SORCS2: variants seen among roughly 807,000 people sequenced by gnomAD.
SORCS2 encodes the protein VPS10 domain-containing receptor SorCS2.
SORCS2 carries 100 observed loss-of-function variants against 141.6 expected under a neutral mutation model. The observed-to-expected ratio is 0.71, with a 90% CI of 0.60 to 0.83. The LOEUF (loss-of-function observed/expected upper bound fraction) is 0.83, where lower values mean the gene tolerates loss of function less well. Among genes scored for constraint, SORCS2 ranks in the 40% least tolerant of loss-of-function variants. SORCS2 has a pLI of 0.00. For synonymous variants in SORCS2, 789 were observed against 676.9 expected (o/e 1.17, Z -2.57); for missense variants, 1,646 against 1,560.2 (o/e 1.05, Z -0.93).
chr4:7,714,108 T>A (rs1428030765), intron 15 of SORCS2, 132 bp from the exon 16 acceptor site: 1 of 1,322,100 alleles, frequency 7.6e-7, no homozygotes, highest in African/African-American at 1.5e-5. Context: ...CGCCCCATTA[T>A]GGGCCTCAGT....
intron 1 of SORCS2, among the ~76,000 whole-genome samples, chr4:7,301,601 G>T (rs1717435253): frequency 6.6e-6 from 1 of 152,242 alleles, no homozygotes; most frequent in Non-Finnish European, 1.5e-5. Flanking sequence ...CAGAGGCCTA[G>T]GTTGGCGCCT....
chr4:7,690,096 A>G (rs1490998488), intron 11 of SORCS2, among the ~76,000 whole-genome samples: 1 of 137,668 alleles, frequency 7.3e-6, no homozygotes, highest in Non-Finnish European at 1.6e-5. Context: ...AGATGAATGG[A>G]TGGATGATAC....
intron 11 of SORCS2, among the ~76,000 whole-genome samples, chr4:7,695,586 T>G (rs56399942): frequency 0.1 from 212 of 2,082 alleles, 38 homozygotes; most frequent in African/African-American, 0.24. Context: ...ATGGATGGAT[T>G]GGTGGGTGGG....
intron 2 of SORCS2, among the ~76,000 whole-genome samples, chr4:7,448,523 C>T (rs371518684): frequency 6.9e-5 from 10 of 145,898 alleles, no homozygotes; most frequent in African/African-American, 1.0e-4. Context: ...TCCCTCCCTT[C>T]CTCTCTTCCT....
intron 2 of SORCS2, among the ~76,000 whole-genome samples, chr4:7,467,723 G>C (rs1178765056): frequency 6.6e-6 from 1 of 152,182 alleles, no homozygotes; most frequent in Non-Finnish European, 1.5e-5. Context: ...CCCAGCTCTT[G>C]GTCTCAGCGG....
intron 1 of SORCS2, among the ~76,000 whole-genome samples, chr4:7,214,108 A>T (rs1206109247): frequency 1.3e-5 from 2 of 152,100 alleles, no homozygotes; most frequent in Admixed American, 6.5e-5. Context: ...TCCAAAAAGG[A>T]AGCCAGCCTT....
intron 26 of SORCS2, among the ~76,000 whole-genome samples, chr4:7,737,804 G>A (rs1179684921): frequency 6.6e-5 from 10 of 152,172 alleles, no homozygotes; most frequent in South Asian, 2.1e-4. Flanking sequence ...CGGGCTGCTC[G>A]CTGTCAGGGT....
intron 1 of SORCS2, among the ~76,000 whole-genome samples, chr4:7,394,970 A>G (rs557853985): frequency 2.0e-5 from 3 of 152,274 alleles, no homozygotes; most frequent in African/African-American, 4.8e-5. Context: ...TCAAATATGA[A>G]TCAATGGGTT....
chr4:7,398,802 T>C (rs1414549372), intron 2 of SORCS2, among the ~76,000 whole-genome samples: 2 of 152,216 alleles, frequency 1.3e-5, no homozygotes, highest in South Asian at 2.1e-4. Flanking sequence ...TGTCCCCTTA[T>C]TGATGCTGCC....
At chr4:7,556,700 C>G (rs1000289306) in intron 3 of SORCS2, among the ~76,000 whole-genome samples, 1 of 151,944 alleles carries the variant, frequency 6.6e-6, no homozygotes, top group African/African-American at 2.4e-5. Flanking sequence ...ACCCTTCCAC[C>G]TACCCATCCA....
intron 2 of SORCS2, among the ~76,000 whole-genome samples, chr4:7,489,746 G>C (rs1477599371): frequency 1.7e-5 from 1 of 57,816 alleles, no homozygotes. Context: ...GACGGAGTCT[G>C]TGTTTTGGAA....
chr4:7,469,191 G>A (rs1417010208), intron 2 of SORCS2, among the ~76,000 whole-genome samples: 1 of 152,022 alleles, frequency 6.6e-6, no homozygotes, highest in Non-Finnish European at 1.5e-5. Flanking sequence ...TGATGTCGAT[G>A]ATGGTGGTGG....
In SORCS2 at chr4:7,286,621, C is replaced by T. The variant is rs967236175; in HGVS notation, c.480+93495C>T. Among the ~76,000 whole-genome samples the T allele has an allele frequency of 1.3e-5, 2 of 152,202 alleles. No homozygotes were observed. The highest frequency in any genetic ancestry group is 4.8e-5 in the African/African-American group (2 of 41,448). ...CCCCCCGTATCTTACGGATGGAGGA[C>T]ACAGGCCCAGGGAGGGAGGTGCTCA... On this transcript the variant is annotated intron_variant, in intron 1 of 26. Coordinates refer to ENST00000507866, the MANE Select transcript of SORCS2 (RefSeq NM_020777.3). The surrounding 1 kb of genome is among the most constrained non-coding windows in gnomAD (Gnocchi z 4.1).
rs1426225458 is a variant in SORCS2 at position 7,736,933 on chromosome 4, C to T, written c.3312-136C>T. ...ATGGGGCAGGAGGCAAAACTTGGGG[C>T]TGGGGTAGGCACCTCTGGAGTGCTG... On this transcript the variant is annotated intron_variant, in intron 25 of 26. Transcript: ENST00000507866. 53 of 1,140,148 alleles carry T rather than the reference C, an allele frequency of 4.6e-5. 1 individual carries two copies. The highest frequency in any genetic ancestry group is 6.0e-5 in the Non-Finnish European group (49 of 822,828). The allele number at this position is 1,140,148 out of a possible 1,614,324, so 70.6% of individuals were successfully genotyped here.
chr4:7,272,639 A>C (rs1715220706), intron 1 of SORCS2, among the ~76,000 whole-genome samples: 1 of 152,242 alleles, frequency 6.6e-6, no homozygotes. Context: ...TGGCCTGGGA[A>C]GCATCTTGCA....
chr4:7,357,995 C>T (rs747163140), intron 1 of SORCS2, among the ~76,000 whole-genome samples: 2 of 152,212 alleles, frequency 1.3e-5, no homozygotes, highest in Admixed American at 6.5e-5. Flanking sequence ...GTGCATGCTT[C>T]CTCCTGAAAA....
Position 7,715,322 on chromosome 4 carries a change from G to T in SORCS2, c.2252+11G>T, listed in dbSNP as rs779248974. 1.2e-6 allele frequency: 2 copies of T among 1,613,378 alleles called. No individual in the cohort carries two copies. The highest frequency in any genetic ancestry group is 1.7e-6 in the Non-Finnish European group (2 of 1,179,442). The stretch of plus-strand genomic sequence containing the variant: ...CACCAGCAGCCTTGGGTGAGTGTGG[G>T]TGCGGGCCTCTCCCTGCCTAAATCC... On this transcript the variant is annotated intron_variant, in intron 17 of 26. Coordinates refer to ENST00000507866, the MANE Select transcript of SORCS2 (RefSeq NM_020777.3).
chr4:7,554,231 T>C (rs10015815), intron 3 of SORCS2, among the ~76,000 whole-genome samples: 12,018 of 152,126 alleles, frequency 0.079, 529 homozygotes, highest in African/African-American at 0.087. Flanking sequence ...TTTCAAATAC[T>C]CCCCAGAGTC....
At position 7,332,097 on chromosome 4, in the gene SORCS2, G is replaced by A. The variant is rs528037266; in HGVS notation, c.481-64191G>A. 1.6e-4 allele frequency among the ~76,000 whole-genome samples: 24 copies of A among 152,340 alleles called. No homozygotes were observed. The South Asian group carries it at 4.8e-3, about 30-fold the overall frequency. On this transcript the variant is annotated intron_variant, in intron 1 of 26. Coordinates refer to ENST00000507866, the MANE Select transcript of SORCS2 (RefSeq NM_020777.3). ...AGGAGAGGGAGAGAACGCATGTTTA[G>A]TGAGCACCAACTGTGTGCCTGGCAT...
Sources: allele counts gnomAD v4.1 joint callset (sites outside exome capture counted in the v4.1 genomes callset), GRCh38; gene constraint gnomAD v4.1.1; non-coding constraint Gnocchi (gnomAD v3.1); transcripts MANE v1.5; gene names NCBI Gene and HGNC (gene_info 2026-07-23, HGNC 2026-07-21).